VWA3B: variants seen among roughly 807,000 people sequenced by gnomAD.
VWA3B encodes the protein von Willebrand factor A domain-containing protein 3B.
In VWA3B, 138 loss-of-function variants were observed where a neutral mutation model predicts 158.3. The observed-to-expected ratio is 0.87, with a 90% CI of 0.76 to 1.00. The LOEUF (loss-of-function observed/expected upper bound fraction) is 1.00, where lower values mean the gene tolerates loss of function less well. Among genes scored for constraint, VWA3B ranks in the 50% least tolerant of loss-of-function variants. The pLI, the probability that VWA3B is intolerant of heterozygous loss-of-function variation, is 0.00. For missense variants in VWA3B, 1,555 were observed against 1,565.1 expected (o/e 0.99, Z 0.11); for synonymous variants, 596 against 587.3 (o/e 1.01, Z -0.21).
At chr2:98,155,246 C>G (rs1352881289) in intron 7 of VWA3B, among the ~76,000 whole-genome samples, 1 of 152,228 alleles carries the variant, frequency 6.6e-6, no homozygotes, top group Non-Finnish European at 1.5e-5. Flanking sequence ...CCCACCATCA[C>G]CACCTGCATC....
rs915767383 is a variant in VWA3B at position 98,300,169 on chromosome 2, G to A, written c.3373G>A (p.Val1125Met). Residue 1125 changes from valine (V) to methionine (M), a missense_variant, in exon 25 of 28, where the codon GTG becomes ATG. Physicochemically the swap from Val to Met is conservative, Grantham distance 21. Transcript: ENST00000477737. The stretch of plus-strand genomic sequence containing the variant: ...TGTCATAGCACTTCCCAATAAGCAT[G>A]TGGCCACAGAAAAATTCTACACAGT... Reference protein sequence around the residue: ...AIVIALPNKHVATEKFYTVLK... With the variant: ...AIVIALPNKHMATEKFYTVLK... The A allele has an allele frequency of 6.2e-7, 1 of 1,614,220 alleles. No homozygotes were observed. The highest frequency in any genetic ancestry group is 8.5e-7 in the Non-Finnish European group (1 of 1,180,044).
intron 22 of VWA3B, among the ~76,000 whole-genome samples, chr2:98,278,645 C>G (rs1035158522): frequency 3.9e-5 from 6 of 152,082 alleles, no homozygotes; most frequent in African/African-American, 1.2e-4. Flanking sequence ...CAAGCCATCC[C>G]CCTGAAGTCA....
chr2:98,277,271 C>G (rs1441138762), intron 22 of VWA3B, among the ~76,000 whole-genome samples: 1 of 152,178 alleles, frequency 6.6e-6, no homozygotes, highest in Admixed American at 6.5e-5. Flanking sequence ...CCTAGCACCC[C>G]TCATGTTACT....
At chr2:98,154,404 G>T (rs1211622984) in intron 7 of VWA3B, among the ~76,000 whole-genome samples, 1 of 152,106 alleles carries the variant, frequency 6.6e-6, no homozygotes. Context: ...CTTAAGAACT[G>T]TCCACCTGCA....
intron 8 of VWA3B, among the ~76,000 whole-genome samples, chr2:98,178,419 A>G (rs1386257572): frequency 6.6e-6 from 1 of 152,188 alleles, no homozygotes; most frequent in African/African-American, 2.4e-5. Flanking sequence ...ATGAAGCATT[A>G]ATGGGCAGGT....
At chr2:98,147,477 T>C (rs934939296) in intron 7 of VWA3B, among the ~76,000 whole-genome samples, 5 of 152,236 alleles carry the variant, frequency 3.3e-5, no homozygotes, top group African/African-American at 9.6e-5. Context: ...AAATATATTA[T>C]TGTACAAATT....
At chr2:98,181,302 G>A (rs1293588543) in intron 9 of VWA3B, 90 bp downstream of exon 9, 2 of 1,400,542 alleles carry the variant, frequency 1.4e-6, no homozygotes, top group Admixed American at 2.1e-5. Context: ...GCAGGGGAAG[G>A]GGCAGCAGGG....
chr2:98,220,164 A>AT (rs1491281549), intron 14 of VWA3B, among the ~76,000 whole-genome samples: 6 of 54,340 alleles, frequency 1.1e-4, no homozygotes, highest in Admixed American at 4.7e-4. Context: ...AACCTGTCTC[A>AT]TAAAAAAAAA....
intron 22 of VWA3B, among the ~76,000 whole-genome samples, chr2:98,283,352 C>T (rs1335956997): frequency 6.6e-6 from 1 of 152,208 alleles, no homozygotes; most frequent in Non-Finnish European, 1.5e-5. Context: ...GTCTCAGTGA[C>T]CAAAGTATCC....
At chr2:98,316,271 C>T (rs1369105593), downstream of VWA3B, among the ~76,000 whole-genome samples, 1 of 152,218 alleles carries the variant, frequency 6.6e-6, no homozygotes, top group African/African-American at 2.4e-5. Flanking sequence ...TGTCTGCAAA[C>T]ATGCCTTGAG....
chr2:98,223,933 G>A (rs534784963), intron 14 of VWA3B, among the ~76,000 whole-genome samples: 7 of 152,058 alleles, frequency 4.6e-5, no homozygotes, highest in South Asian at 4.1e-4. Context: ...ACACTATGTC[G>A]CCCAGGCTGG....
At chr2:98,144,665 C>T (rs899369909) in intron 7 of VWA3B, among the ~76,000 whole-genome samples, 2 of 151,956 alleles carry the variant, frequency 1.3e-5, no homozygotes, top group East Asian at 1.9e-4. Flanking sequence ...CTCCCAGGCT[C>T]AAGCTATTCT....
rs955925669 is a variant in VWA3B at position 98,125,730 on chromosome 2, T to C, written c.703-2509T>C. Reference sequence around the variant, plus strand: ...CCCAGGCTGGAGTGCAGTGGCACGATTCGGCTCACTGCAAGCTCCGCCTCC... The same window carrying C: ...CCCAGGCTGGAGTGCAGTGGCACGACTCGGCTCACTGCAAGCTCCGCCTCC... On this transcript the variant is annotated intron_variant, in intron 5 of 27. Coordinates refer to ENST00000477737, the MANE Select transcript of VWA3B (RefSeq NM_144992.5). The surrounding 1 kb of genome is among the most constrained non-coding windows in gnomAD (Gnocchi z 4.1). Among the ~76,000 whole-genome samples, 1 of 152,116 alleles carries C rather than the reference T, an allele frequency of 6.6e-6. No individual in the cohort carries two copies. Among genetic ancestry groups the C allele is most frequent in the African/African-American group, 2.4e-5 (1 of 41,420 alleles).
At chr2:98,173,445 A>G (rs1679760750) in intron 8 of VWA3B, among the ~76,000 whole-genome samples, 1 of 152,226 alleles carries the variant, frequency 6.6e-6, no homozygotes, top group African/African-American at 2.4e-5. Flanking sequence ...TCCAATGGGC[A>G]CTGAGCTTCG....
chr2:98,283,955 A>C (rs944671791), intron 22 of VWA3B, among the ~76,000 whole-genome samples: 1 of 152,194 alleles, frequency 6.6e-6, no homozygotes, highest in Non-Finnish European at 1.5e-5. Context: ...TGAACCTTGC[A>C]TTAGAAAGAA....
rs544620346 is a variant in VWA3B at position 98,144,571 on chromosome 2, T to C, written c.988+10632T>C. Among the ~76,000 whole-genome samples the C allele has an allele frequency of 2.8e-4, 42 of 151,972 alleles. No homozygotes were observed. In the South Asian group the frequency reaches 6.6e-3, roughly 24 times the overall value. On this transcript the variant is annotated intron_variant, in intron 7 of 27. Coordinates refer to ENST00000477737, the MANE Select transcript of VWA3B (RefSeq NM_144992.5). The stretch of plus-strand genomic sequence containing the variant: ...CCATAGGGTTTTCTTTCTTTCTTTT[T>C]TTTTTTTTTAATTGAAATGGAGTCT...
chr2:98,214,219 C>CAA, intron 13 of VWA3B, among the ~76,000 whole-genome samples: 1 of 150,146 alleles, frequency 6.7e-6, no homozygotes, highest in Non-Finnish European at 1.5e-5. Context: ...AAAAGCAAAA[C>CAA]ACAAAAAAAA....
Position 98,119,375 on chromosome 2 carries a change from C to A in VWA3B, c.292-138C>A, listed in dbSNP as rs1174339830. On this transcript the variant is annotated intron_variant, in intron 3 of 27. Coordinates refer to ENST00000477737, the MANE Select transcript of VWA3B (RefSeq NM_144992.5). ...CGTTTTTCTGTTGAAAGACTGGAAC[C>A]TTTTCTCCTGGATTCTGTAGTGTTT... 5 of 963,102 alleles carry A rather than the reference C, an allele frequency of 5.2e-6. No homozygotes were observed. In the Admixed American group the frequency reaches 1.2e-4, roughly 23 times the overall value. The allele number at this position is 963,102 out of a possible 1,614,324, so 59.7% of individuals were successfully genotyped here. A position where few individuals can be genotyped will look rare whatever the true frequency, so the allele number is the denominator to read the frequency against.
intron 24 of VWA3B, among the ~76,000 whole-genome samples, chr2:98,298,443 T>TATGCCATGCC (rs367808602): frequency 1.1e-3 from 134 of 121,608 alleles, no homozygotes; most frequent in African/African-American, 3.7e-3. Flanking sequence ...TATTCTATTC[T>TATGCCATGCC]ATGCCATGCC....
Sources: gnomAD v4.1 joint callset for allele counts (sites outside exome capture counted in the v4.1 genomes callset) on GRCh38, gnomAD v4.1.1 for gene constraint, Gnocchi (gnomAD v3.1) non-coding constraint, MANE v1.5 for transcripts, NCBI Gene and HGNC (gene_info 2026-07-23, HGNC 2026-07-21) for gene names.